The following B3GAT2 variants were observed in gnomAD, a reference collection of about 807,000 sequenced individuals.
B3GAT2 encodes the protein beta-1,3-glucuronyltransferase 2, also known as galactosylgalactosylxylosylprotein 3-beta-glucuronosyltransferase 2.
Under a neutral mutation model 27.8 loss-of-function variants are expected in B3GAT2, and 26 were observed. The observed-to-expected ratio is 0.93, with a 90% CI of 0.68 to 1.30. The LOEUF is 1.30. B3GAT2 is among the 50% of genes most tolerant of loss of function. B3GAT2 has a pLI of 0.00. For missense variants in B3GAT2, 458 were observed against 459.0 expected, an observed-to-expected ratio of 1.00 and a Z score of 0.02; for synonymous variants, 218 against 195.1, an observed-to-expected ratio of 1.12 and a Z score of -0.98.
At chr6:70,928,777 A>G (rs544930322) in intron 1 of B3GAT2, among the ~76,000 whole-genome samples, 205 of 151,514 alleles carry the variant, frequency 1.4e-3, no homozygotes, top group African/African-American at 4.8e-3. Flanking sequence ...GCTGGCAGGC[A>G]GGAGAAAGAA....
At chr6:70,900,146 A>G (rs950955367) in intron 1 of B3GAT2, among the ~76,000 whole-genome samples, 19 of 152,204 alleles carry the variant, frequency 1.2e-4, no homozygotes, top group African/African-American at 4.6e-4. Flanking sequence ...TCCTCCTGTG[A>G]TAACCTCCAG....
intron 2 of B3GAT2, among the ~76,000 whole-genome samples, chr6:70,862,674 G>A (rs1343687946): frequency 3.3e-5 from 5 of 152,122 alleles, no homozygotes; most frequent in East Asian, 1.9e-4. Context: ...TTGGTCATAC[G>A]AAAAATCATT....
chr6:70,860,151 T>G lies in B3GAT2; in HGVS notation c.*1512A>C. On this transcript the variant is annotated 3_prime_UTR_variant, in exon 4 of 4. Transcript: ENST00000230053. Reference sequence around the variant, plus strand: ...AACTGTGTGGCTAAAGAAACAAGAATTAAAAGTGAAGTAAGCCTCTTGAAC... The same window carrying G: ...AACTGTGTGGCTAAAGAAACAAGAAGTAAAAGTGAAGTAAGCCTCTTGAAC... 1 of 1,527,714 alleles carries G rather than the reference T, an allele frequency of 6.5e-7. No homozygotes were observed. The highest frequency in any genetic ancestry group is 8.8e-7 in the Non-Finnish European group (1 of 1,138,404). 94.6% of individuals were successfully genotyped at this position (1,527,714 alleles called of 1,614,324 possible).
chr6:70,882,053 T>C (rs1163482979), intron 2 of B3GAT2, among the ~76,000 whole-genome samples: 1 of 152,216 alleles, frequency 6.6e-6, no homozygotes, highest in East Asian at 1.9e-4. Flanking sequence ...TCAACCATTC[T>C]GGATAAATGA....
chr6:70,866,975 ACTACAGTG>A, intron 2 of B3GAT2, among the ~76,000 whole-genome samples: 1 of 152,012 alleles, frequency 6.6e-6, no homozygotes, highest in East Asian at 1.9e-4. Flanking sequence ...ATGTTTTCTG[ACTACAGTG>A]GAATTAAAAT....
chr6:70,924,958 T>C (rs1185795294), intron 1 of B3GAT2, among the ~76,000 whole-genome samples: 1 of 152,234 alleles, frequency 6.6e-6, no homozygotes, highest in Non-Finnish European at 1.5e-5. Flanking sequence ...ATCCTGAGGT[T>C]GGCCTTTTGA....
chr6:70,903,128 C>A (rs1772537047), intron 1 of B3GAT2, among the ~76,000 whole-genome samples: 1 of 151,646 alleles, frequency 6.6e-6, no homozygotes, highest in African/African-American at 2.4e-5. Context: ...AAATATATAC[C>A]ATTTTTATTA....
At chr6:70,923,090 T>C (rs924523567) in intron 1 of B3GAT2, among the ~76,000 whole-genome samples, 1 of 152,200 alleles carries the variant, frequency 6.6e-6, no homozygotes, top group Non-Finnish European at 1.5e-5. Context: ...CATATAAGTG[T>C]CTTCTGTCAT....
chr6:70,864,086 A>G (rs1771811742), intron 2 of B3GAT2, among the ~76,000 whole-genome samples: 1 of 132,780 alleles, frequency 7.5e-6, no homozygotes. Context: ...TTTTTTTTAA[A>G]TTCAGATGAG....
At chr6:70,899,058 A>G (rs1368681906) in intron 1 of B3GAT2, among the ~76,000 whole-genome samples, 1 of 152,140 alleles carries the variant, frequency 6.6e-6, no homozygotes, top group Non-Finnish European at 1.5e-5. Flanking sequence ...AGAAATCACT[A>G]TGTGTCTGTG....
At chr6:70,928,958 A>C (rs998780786) in intron 1 of B3GAT2, among the ~76,000 whole-genome samples, 40 of 152,306 alleles carry the variant, frequency 2.6e-4, no homozygotes, top group African/African-American at 9.6e-4. Context: ...TTGGAACCAA[A>C]CCAAATGTCC....
intron 1 of B3GAT2, among the ~76,000 whole-genome samples, chr6:70,927,388 G>C (rs1772981101): frequency 6.6e-6 from 1 of 152,102 alleles, no homozygotes; most frequent in South Asian, 2.1e-4. Flanking sequence ...TGGCAAATTG[G>C]ATAAAGAGTC....
chr6:70,859,541 T>C lies in B3GAT2; in HGVS notation c.*2122A>G, dbSNP rs1193895962. 6 of 604,332 alleles carry C rather than the reference T, an allele frequency of 9.9e-6. No homozygotes were observed. Among genetic ancestry groups the C allele is most frequent in the Non-Finnish European group, 1.6e-5 (6 of 365,904 alleles). 37.4% of individuals were successfully genotyped at this position (604,332 alleles called of 1,614,324 possible). A position where few individuals can be genotyped will look rare whatever the true frequency, so the allele number is the denominator to read the frequency against. On this transcript the variant is annotated 3_prime_UTR_variant, in exon 4 of 4. Coordinates refer to ENST00000230053, the MANE Select transcript of B3GAT2 (RefSeq NM_080742.3). ...TTAAATTAAGAACACAGTCTAACTC[T>C]GAGTGTAAGTTTTAAACCCACTCAC...
At chr6:70,929,536 C>G (rs1388672562) in intron 1 of B3GAT2, among the ~76,000 whole-genome samples, 2 of 152,142 alleles carry the variant, frequency 1.3e-5, no homozygotes, top group Non-Finnish European at 2.9e-5. Context: ...AAATCACAAG[C>G]TTTCCTATAC....
chr6:70,902,637 T>TATATACAC (rs1491331231), intron 1 of B3GAT2, among the ~76,000 whole-genome samples: 8 of 133,424 alleles, frequency 6.0e-5, no homozygotes, highest in South Asian at 5.1e-4. Context: ...TATATATATA[T>TATATACAC]ACACACACAC....
intron 1 of B3GAT2, among the ~76,000 whole-genome samples, chr6:70,934,367 C>T (rs73489520): frequency 6.6e-4 from 100 of 151,326 alleles, no homozygotes; most frequent in African/African-American, 2.4e-3. Context: ...CACCCCCGCC[C>T]CACCCCACTT....
chr6:70,946,701 G>T lies in B3GAT2; in HGVS notation c.591+9138C>A, dbSNP rs575368443. Among the ~76,000 whole-genome samples the T allele has an allele frequency of 2.7e-3, 405 of 152,188 alleles. 2 individuals carry two copies. The highest frequency in any genetic ancestry group is 4.4e-3 in the Non-Finnish European group (300 of 68,034). On this transcript the variant is annotated intron_variant, in intron 1 of 3. Coordinates refer to ENST00000230053, the MANE Select transcript of B3GAT2 (RefSeq NM_080742.3). ...ACAGAAAGTTAACAAGGATACACAG[G>T]AATTGAACTCAGCTCTGCACCAAGC...
At chr6:70,894,847 A>G (rs78138451) in intron 1 of B3GAT2, among the ~76,000 whole-genome samples, 1 of 152,228 alleles carries the variant, frequency 6.6e-6, no homozygotes, top group Admixed American at 6.5e-5. Flanking sequence ...TTTAAGGGCA[A>G]TTGGGCCAAA....
chr6:70,875,893 T>C (rs1383656444), intron 2 of B3GAT2, among the ~76,000 whole-genome samples: 3 of 152,196 alleles, frequency 2.0e-5, no homozygotes, highest in East Asian at 3.8e-4. Flanking sequence ...AAAACCATCA[T>C]AGAAAACTGA....
Sources: allele counts gnomAD v4.1 joint callset (sites outside exome capture counted in the v4.1 genomes callset), GRCh38; gene constraint gnomAD v4.1.1; transcripts MANE v1.5; gene names NCBI Gene and HGNC (gene_info 2026-07-23, HGNC 2026-07-21).